The following KIAA1328 variants were observed in gnomAD, a reference collection of about 807,000 sequenced individuals.
KIAA1328 encodes KIAA1328, also known as protein hinderin.
KIAA1328 carries 52 observed loss-of-function variants against 68.1 expected under a neutral mutation model. That is an observed-to-expected ratio of 0.76 (90% CI 0.61 to 0.96). The LOEUF (loss-of-function observed/expected upper bound fraction) is 0.96. Ranked by LOEUF, KIAA1328 falls within the 40% of genes least tolerant of loss-of-function variation. KIAA1328 has a pLI of 0.00. For synonymous variants in KIAA1328, 232 were observed against 239.4 expected (o/e 0.97, Z 0.28); for missense variants, 641 against 677.6 (o/e 0.95, Z 0.60).
intron 7 of KIAA1328, among the ~76,000 whole-genome samples, chr18:37,151,669 A>G (rs977506924): frequency 1.3e-5 from 2 of 152,194 alleles, no homozygotes; most frequent in African/African-American, 2.4e-5. Flanking sequence ...CAAGCAATTC[A>G]GTAGAAAAAG....
At chr18:37,030,096 G>C (rs1250516646) in intron 6 of KIAA1328, among the ~76,000 whole-genome samples, 2 of 151,480 alleles carry the variant, frequency 1.3e-5, no homozygotes, top group African/African-American at 4.9e-5. Context: ...TCTATTTTCT[G>C]GATCAATTTC....
intron 6 of KIAA1328, among the ~76,000 whole-genome samples, chr18:37,058,212 C>G (rs2056000068): frequency 1.3e-5 from 2 of 152,056 alleles, no homozygotes; most frequent in Non-Finnish European, 2.9e-5. Flanking sequence ...TTAGCTGTCT[C>G]TCAGAGCAAT....
chr18:37,160,880 T>G (rs1009189700), intron 8 of KIAA1328, among the ~76,000 whole-genome samples: 1 of 152,160 alleles, frequency 6.6e-6, no homozygotes, highest in African/African-American at 2.4e-5. Flanking sequence ...ATACTTCCTG[T>G]TATATGTGGT....
At chr18:37,071,328 C>T (rs771463963) in intron 7 of KIAA1328, among the ~76,000 whole-genome samples, 3 of 152,068 alleles carry the variant, frequency 2.0e-5, no homozygotes, top group South Asian at 4.2e-4. Context: ...CTACCTTATC[C>T]TTCCAAAGTG....
chr18:36,964,409 G>A (rs1383463607), intron 6 of KIAA1328, among the ~76,000 whole-genome samples: 5 of 152,146 alleles, frequency 3.3e-5, no homozygotes, highest in East Asian at 1.9e-4. Flanking sequence ...TTGACTTTGA[G>A]AGACTTTTTC....
chr18:37,199,421 A>G (rs188071942), intron 9 of KIAA1328, among the ~76,000 whole-genome samples: 1 of 152,320 alleles, frequency 6.6e-6, no homozygotes, highest in Admixed American at 6.5e-5. Context: ...TGCAAAGGAC[A>G]TTATCTCATT....
chr18:37,025,717 C>T (rs986799170), intron 6 of KIAA1328, among the ~76,000 whole-genome samples: 1 of 152,126 alleles, frequency 6.6e-6, no homozygotes, highest in Non-Finnish European at 1.5e-5. Context: ...GGGACATATT[C>T]AAAGCAGTGT....
intron 7 of KIAA1328, among the ~76,000 whole-genome samples, chr18:37,125,754 T>C (rs1340372484): frequency 6.6e-6 from 1 of 152,182 alleles, no homozygotes; most frequent in Non-Finnish European, 1.5e-5. Context: ...AATTTGAAAC[T>C]TTGTGAGCTC....
intron 9 of KIAA1328, among the ~76,000 whole-genome samples, chr18:37,181,019 A>G (rs527724093): frequency 2.0e-5 from 3 of 152,192 alleles, no homozygotes; most frequent in Non-Finnish European, 4.4e-5. Context: ...CAGCTTCAAA[A>G]TATCAGATAG....
intron 6 of KIAA1328, among the ~76,000 whole-genome samples, chr18:36,995,705 A>C (rs1465725166): frequency 6.6e-6 from 1 of 152,278 alleles, no homozygotes; most frequent in South Asian, 2.1e-4. Flanking sequence ...TTTTACTCAA[A>C]CCTCTAGCGG....
chr18:36,884,727 G>A (rs561512135), intron 4 of KIAA1328, among the ~76,000 whole-genome samples: 9 of 152,276 alleles, frequency 5.9e-5, no homozygotes, highest in African/African-American at 1.9e-4. Flanking sequence ...GGAGAAATAA[G>A]TACCAGTAAC....
intron 7 of KIAA1328, among the ~76,000 whole-genome samples, chr18:37,088,368 T>C (rs1275649670): frequency 1.3e-5 from 2 of 152,166 alleles, no homozygotes; most frequent in African/African-American, 2.4e-5. Flanking sequence ...TACTTATTTG[T>C]ATATTTAAAC....
intron 5 of KIAA1328, among the ~76,000 whole-genome samples, chr18:36,888,757 A>G (rs2048583401): frequency 6.6e-6 from 1 of 152,176 alleles, no homozygotes; most frequent in African/African-American, 2.4e-5. Flanking sequence ...AAAGCTCTAT[A>G]AAACTTAGAA....
At chr18:36,892,789 A>G (rs1443403552) in intron 5 of KIAA1328, among the ~76,000 whole-genome samples, 2 of 152,236 alleles carry the variant, frequency 1.3e-5, no homozygotes, top group Non-Finnish European at 2.9e-5. Flanking sequence ...AGAGATAGGC[A>G]TGCTTAAAGA....
At chr18:36,879,778 G>A (rs2048268058) in intron 4 of KIAA1328, among the ~76,000 whole-genome samples, 1 of 152,180 alleles carries the variant, frequency 6.6e-6, no homozygotes, top group African/African-American at 2.4e-5. Context: ...TTGCTGCGTT[G>A]TGGTGGGTTC....
chr18:37,029,984 A>C (rs2054756871), intron 6 of KIAA1328, among the ~76,000 whole-genome samples: 1 of 152,152 alleles, frequency 6.6e-6, no homozygotes, highest in Non-Finnish European at 1.5e-5. Context: ...TGGATGTTAT[A>C]TGTAGTATAA....
At chr18:37,081,044 G>A (rs1251214880) in intron 7 of KIAA1328, among the ~76,000 whole-genome samples, 1 of 151,794 alleles carries the variant, frequency 6.6e-6, no homozygotes, top group African/African-American at 2.4e-5. Context: ...GCAGTGGCGT[G>A]ATCTCGACTC....
chr18:37,057,536 T>G (rs1428761744), intron 6 of KIAA1328, among the ~76,000 whole-genome samples: 1 of 151,720 alleles, frequency 6.6e-6, no homozygotes, highest in East Asian at 1.9e-4. Flanking sequence ...CACACCATTC[T>G]CCTGCTTCAG....
chr18:37,169,492 G>A (rs565951736), intron 8 of KIAA1328, among the ~76,000 whole-genome samples: 1 of 150,274 alleles, frequency 6.7e-6, no homozygotes, highest in South Asian at 2.1e-4. Context: ...TTAAGCATAT[G>A]TTGTTATTGT....
Sources: gnomAD v4.1 joint callset for allele counts (sites outside exome capture counted in the v4.1 genomes callset) on GRCh38, gnomAD v4.1.1 for gene constraint, MANE v1.5 for transcripts, NCBI Gene and HGNC (gene_info 2026-07-23, HGNC 2026-07-21) for gene names.